TTC7B: variants seen among roughly 807,000 people sequenced by gnomAD.
TTC7B encodes tetratricopeptide repeat protein 7B.
A neutral mutation model predicts 106.8 loss-of-function variants in TTC7B; 28 were observed. That is an observed-to-expected ratio of 0.26 (90% CI 0.19 to 0.36). TTC7B has a LOEUF of 0.36. TTC7B is among the 10% of genes least tolerant of loss of function. TTC7B has a pLI of 1.00. For missense variants in TTC7B, 862 were observed against 1,076.4 expected, an observed-to-expected ratio of 0.80 and a Z score of 2.79; for synonymous variants, 405 against 430.6, an observed-to-expected ratio of 0.94 and a Z score of 0.74.
chr14:90,802,944 C>A lies in TTC7B; in HGVS notation c.121+13231G>T. Among the ~76,000 whole-genome samples the A allele has an allele frequency of 6.8e-6, 1 of 147,730 alleles. No individual in the cohort carries two copies. The highest frequency in any genetic ancestry group is 2.5e-5 in the African/African-American group (1 of 39,852). ...TCACCTAAGGTCAGAAGTTCGAGAC[C>A]AACATGGTGAAACCCCATCTCTGCT... On this transcript the variant is annotated intron_variant, in intron 1 of 19. Coordinates refer to ENST00000328459, the MANE Select transcript of TTC7B (RefSeq NM_001010854.2). This position sits in a 1 kb window ranked among gnomAD's most constrained non-coding sequence, Gnocchi z 4.7.
At chr14:90,594,276 G>A (rs1892110712) in intron 17 of TTC7B, among the ~76,000 whole-genome samples, 1 of 152,136 alleles carries the variant, frequency 6.6e-6, no homozygotes, top group South Asian at 2.1e-4. Flanking sequence ...AAGACTCCTG[G>A]GGTTCAGAAT....
intron 3 of TTC7B, among the ~76,000 whole-genome samples, chr14:90,745,569 A>G (rs1889935828): frequency 6.6e-6 from 1 of 152,130 alleles, no homozygotes; most frequent in African/African-American, 2.4e-5. Context: ...TTAGTTTTTA[A>G]ATGTGGTTAC....
chr14:90,576,903 G>T (rs756137878), intron 19 of TTC7B, among the ~76,000 whole-genome samples: 1 of 152,158 alleles, frequency 6.6e-6, no homozygotes. Context: ...ATTAGTCTTG[G>T]ACAGACACAG....
chr14:90,803,810 TC>T (rs2030423336), intron 1 of TTC7B, among the ~76,000 whole-genome samples: 1 of 150,006 alleles, frequency 6.7e-6, no homozygotes, highest in Non-Finnish European at 1.5e-5. Flanking sequence ...AGTACGCTGG[TC>T]ACACACACAC....
intron 3 of TTC7B, among the ~76,000 whole-genome samples, chr14:90,780,409 G>GAGAA (rs10586662): frequency 0.013 from 1,768 of 140,472 alleles, 15 homozygotes; most frequent in Middle Eastern, 0.022. Flanking sequence ...GAAAGAAACA[G>GAGAA]AGAAAGAAAG....
At chr14:90,645,069 C>T (rs575957190) in intron 14 of TTC7B, 26 of 152,268 alleles carry the variant, frequency 1.7e-4, no homozygotes, top group African/African-American at 5.8e-4. Context: ...AGCTAGATTT[C>T]GAAATAGAGC....
chr14:90,654,294 T>A (rs1297360802), intron 12 of TTC7B, among the ~76,000 whole-genome samples: 3 of 152,180 alleles, frequency 2.0e-5, no homozygotes, highest in African/African-American at 7.2e-5. Context: ...AAATTAACCA[T>A]GTGTTTCTGG....
intron 15 of TTC7B, among the ~76,000 whole-genome samples, chr14:90,638,971 G>A (rs1054736865): frequency 2.6e-5 from 4 of 152,222 alleles, no homozygotes; most frequent in African/African-American, 9.6e-5. Flanking sequence ...TCTTTTCAGC[G>A]TTTGATGCTG....
intron 5 of TTC7B, among the ~76,000 whole-genome samples, chr14:90,717,354 G>T (rs887562282): frequency 6.7e-6 from 1 of 149,238 alleles, no homozygotes; most frequent in Admixed American, 6.7e-5. Flanking sequence ...AAAAAAAAAA[G>T]AAAAGAAATA....
chr14:90,796,670 C>CA (rs1421583575), intron 1 of TTC7B, among the ~76,000 whole-genome samples: 4 of 152,130 alleles, frequency 2.6e-5, no homozygotes, highest in Non-Finnish European at 4.4e-5. Flanking sequence ...GACACCAACA[C>CA]AAAAAATTCT....
chr14:90,711,535 C>G (rs1595307143), intron 5 of TTC7B, among the ~76,000 whole-genome samples: 1 of 152,198 alleles, frequency 6.6e-6, no homozygotes, highest in East Asian at 1.9e-4. Context: ...AATTCTCATG[C>G]CTCAGCCCCC....
intron 16 of TTC7B, 44 bp from the exon 17 acceptor site, chr14:90,610,883 GGAGGGAAGGAAAGA>G (rs774859672): frequency 1.4e-6 from 2 of 1,440,276 alleles, no homozygotes; most frequent in Non-Finnish European, 2.0e-6. Context: ...CAAGGTGGGA[GGAGGGAAGGAAAGA>G]GAGGCAACCA....
Position 90,608,825 on chromosome 14 carries a change from G to T in TTC7B, c.1966+1917C>A, listed in dbSNP as rs974998167. 8.5e-5 allele frequency among the ~76,000 whole-genome samples: 13 copies of T among 152,190 alleles called. No homozygotes were observed. Among genetic ancestry groups the T allele is most frequent in the Non-Finnish European group, 1.5e-4 (10 of 68,032 alleles). The stretch of plus-strand genomic sequence containing the variant: ...ACACTACCTGTTCTCAATGTGATGT[G>T]GCTTTAAAGTCTTGGGACCTCCAGG... On this transcript the variant is annotated intron_variant, in intron 17 of 19. Coordinates refer to ENST00000328459, the MANE Select transcript of TTC7B (RefSeq NM_001010854.2). This position sits in a 1 kb window ranked among gnomAD's most constrained non-coding sequence, Gnocchi z 5.1.
At chr14:90,789,904 A>T (rs559772554) in intron 1 of TTC7B, among the ~76,000 whole-genome samples, 125 of 142,938 alleles carry the variant, frequency 8.7e-4, no homozygotes, top group African/African-American at 2.0e-3. Flanking sequence ...TCAAAAAAAA[A>T]AAAAAAAAAT....
At chr14:90,659,006 T>C (rs1456677955) in intron 9 of TTC7B, among the ~76,000 whole-genome samples, 2 of 152,112 alleles carry the variant, frequency 1.3e-5, no homozygotes, top group South Asian at 2.1e-4. Context: ...TGGAAGACCC[T>C]GATGGAGGCA....
rs1252792083 is a variant in TTC7B, at chr14:90,605,906, T to C, written c.1966+4836A>G. On this transcript the variant is annotated intron_variant, in intron 17 of 19. Transcript: ENST00000328459. ...ACACAATCATTCCTCTACCTGACAA[T>C]AGAATACAAGTGCTTTTCGAAGAAA... 3 of 526,426 alleles carry C rather than the reference T, an allele frequency of 5.7e-6. No homozygotes were observed. The Admixed American group carries it at 1.5e-4, about 27-fold the overall frequency. The allele number at this position is 526,426 out of a possible 1,614,324, so 32.6% of individuals were successfully genotyped here. A position where few individuals can be genotyped will look rare whatever the true frequency, so the allele number is the denominator to read the frequency against.
chr14:90,674,035 T>C (rs1886731220), intron 9 of TTC7B, among the ~76,000 whole-genome samples: 2 of 152,122 alleles, frequency 1.3e-5, no homozygotes, highest in South Asian at 4.1e-4. Context: ...GGTATGAACG[T>C]ACTAAATGCC....
chr14:90,704,725 C>A (rs892217756), intron 5 of TTC7B, among the ~76,000 whole-genome samples: 2 of 152,210 alleles, frequency 1.3e-5, no homozygotes, highest in Non-Finnish European at 2.9e-5. Flanking sequence ...GTCTGAGCTT[C>A]ACAGCAGAAA....
At chr14:90,549,737 C>T (rs1468912514) in intron 19 of TTC7B, among the ~76,000 whole-genome samples, 1 of 152,194 alleles carries the variant, frequency 6.6e-6, no homozygotes, top group African/African-American at 2.4e-5. Context: ...GGACAACATA[C>T]TCTGAGTGTC....
Sources: allele counts gnomAD v4.1 joint callset (sites outside exome capture counted in the v4.1 genomes callset), GRCh38; gene constraint gnomAD v4.1.1; non-coding constraint Gnocchi (gnomAD v3.1); transcripts MANE v1.5; gene names NCBI Gene and HGNC (gene_info 2026-07-23, HGNC 2026-07-21).